SIPA1L2: variants seen among roughly 807,000 people sequenced by gnomAD.
SIPA1L2 encodes signal-induced proliferation-associated 1-like protein 2.
A neutral mutation model predicts 163.9 loss-of-function variants in SIPA1L2; 56 were observed. The observed-to-expected ratio is 0.34, with a 90% CI of 0.28 to 0.43. SIPA1L2 has a LOEUF of 0.43. SIPA1L2 is among the 20% of genes least tolerant of loss of function. The pLI is 1.00. For missense variants in SIPA1L2, 1,974 were observed against 2,193.5 expected, an observed-to-expected ratio of 0.90 and a Z score of 2.00; for synonymous variants, 877 against 865.7, an observed-to-expected ratio of 1.01 and a Z score of -0.23.
chr1:232,445,364 G>A (rs779128922), intron 11 of SIPA1L2, among the ~76,000 whole-genome samples, 165 bp downstream of exon 11: 17 of 152,096 alleles, frequency 1.1e-4, no homozygotes, highest in African/African-American at 3.9e-4. Flanking sequence ...GAGAGTGCCC[G>A]ACCCCAGGCA....
At chr1:232,454,505 A>G (rs1663778090) in intron 10 of SIPA1L2, among the ~76,000 whole-genome samples, 3 of 152,212 alleles carry the variant, frequency 2.0e-5, no homozygotes, top group Non-Finnish European at 2.9e-5. Flanking sequence ...CAGGAGTAAC[A>G]CTGCACTGTA....
chr1:232,497,498 G>A (rs937912260), intron 3 of SIPA1L2, among the ~76,000 whole-genome samples: 6 of 152,092 alleles, frequency 3.9e-5, no homozygotes, highest in Non-Finnish European at 7.4e-5. Flanking sequence ...TCTCATTACT[G>A]TTTCCTTAAT....
intron 9 of SIPA1L2, chr1:232,462,176 C>T (rs886332642): frequency 1.9e-5 from 29 of 1,509,492 alleles, no homozygotes; most frequent in Middle Eastern, 1.7e-4. Context: ...ACTAATGCAG[C>T]CCTCAAAAGC....
At chr1:232,572,736 TAC>T (rs779743797) in intron 2 of SIPA1L2, among the ~76,000 whole-genome samples, 32,591 of 90,790 alleles carry the variant, frequency 0.36, 4,592 homozygotes, top group East Asian at 0.55. Context: ...TATACATACA[TAC>T]ATATATATAT....
At position 232,559,062 on chromosome 1, in the gene SIPA1L2, G is replaced by C. The variant is rs947905298; in HGVS notation, c.-270+15112C>G. Among the ~76,000 whole-genome samples, 3 of 152,104 alleles carry C rather than the reference G, an allele frequency of 2.0e-5. No homozygotes were observed. The East Asian group carries it at 5.8e-4, about 29-fold the overall frequency. ...CTCTAGAGTCCTCATCCCACCGGTG[G>C]GTGGGTGATCTCAATTATGTAAAGT... On this transcript the variant is annotated intron_variant, in intron 2 of 22. Transcript: ENST00000674635.
intron 7 of SIPA1L2, among the ~76,000 whole-genome samples, chr1:232,478,367 C>G (rs1465352032): frequency 6.6e-6 from 1 of 152,094 alleles, no homozygotes; most frequent in African/African-American, 2.4e-5. Flanking sequence ...TGAGAAGAGA[C>G]TGGGGGTCAG....
intron 10 of SIPA1L2, among the ~76,000 whole-genome samples, chr1:232,446,865 C>T (rs1663247892): frequency 2.0e-5 from 3 of 152,234 alleles, no homozygotes; most frequent in South Asian, 4.1e-4. Context: ...CACAGAGCCA[C>T]CCAGAGTCCT....
intron 18 of SIPA1L2, among the ~76,000 whole-genome samples, chr1:232,422,429 A>G (rs995933172): frequency 4.6e-5 from 7 of 152,228 alleles, no homozygotes; most frequent in African/African-American, 1.4e-4. Context: ...TACCTGAAAG[A>G]GAAGCCTGTG....
intron 6 of SIPA1L2, among the ~76,000 whole-genome samples, chr1:232,481,690 G>A (rs1665366790): frequency 6.6e-6 from 1 of 152,118 alleles, no homozygotes; most frequent in Non-Finnish European, 1.5e-5. Flanking sequence ...TCTGCACCTA[G>A]CTCAATAAAG....
At chr1:232,406,354 T>G (rs755328884) in intron 19 of SIPA1L2, among the ~76,000 whole-genome samples, 1 of 152,222 alleles carries the variant, frequency 6.6e-6, no homozygotes, top group Non-Finnish European at 1.5e-5. Context: ...TGAGCAGATC[T>G]GGCTAAGGTG....
intron 3 of SIPA1L2, among the ~76,000 whole-genome samples, chr1:232,512,840 C>T (rs1351733494): frequency 6.6e-6 from 1 of 152,094 alleles, no homozygotes; most frequent in Non-Finnish European, 1.5e-5. Flanking sequence ...CAGTGAGCTC[C>T]CAGCTATCTG....
At chr1:232,576,385 AGT>A (rs1660077703) in intron 1 of SIPA1L2, among the ~76,000 whole-genome samples, 1 of 152,238 alleles carries the variant, frequency 6.6e-6, no homozygotes, top group Non-Finnish European at 1.5e-5. Flanking sequence ...GGATGGAACT[AGT>A]GTAACTGTTC....
intron 3 of SIPA1L2, among the ~76,000 whole-genome samples, chr1:232,495,188 G>A (rs1025818200): frequency 2.0e-5 from 3 of 152,162 alleles, no homozygotes; most frequent in African/African-American, 7.2e-5. Flanking sequence ...CCTATTTGCT[G>A]TTTGCAACCA....
chr1:232,543,298 G>C (rs1165146398), intron 2 of SIPA1L2, among the ~76,000 whole-genome samples: 2 of 152,168 alleles, frequency 1.3e-5, no homozygotes, highest in African/African-American at 2.4e-5. Context: ...TGATTCAAAT[G>C]AATCAATACA....
At chr1:232,477,722 C>T (rs1485277522) in intron 7 of SIPA1L2, among the ~76,000 whole-genome samples, 2 of 152,138 alleles carry the variant, frequency 1.3e-5, no homozygotes, top group Non-Finnish European at 2.9e-5. Context: ...AAGTCAGGTA[C>T]ATAAAACTCG....
intron 10 of SIPA1L2, among the ~76,000 whole-genome samples, chr1:232,459,741 G>C (rs1047288051): frequency 1.3e-5 from 2 of 151,952 alleles, no homozygotes; most frequent in African/African-American, 4.8e-5. Flanking sequence ...TCAAACTCCT[G>C]GGCTCAAGCG....
intron 19 of SIPA1L2, 72 bp downstream of exon 19, chr1:232,415,422 A>G: frequency 6.7e-7 from 1 of 1,498,976 alleles, no homozygotes; most frequent in South Asian, 1.4e-5. Context: ...GGCTCCCCTA[A>G]GATGCCGCAC....
chr1:232,533,185 C>T (rs1218305999), intron 2 of SIPA1L2, among the ~76,000 whole-genome samples: 1 of 151,988 alleles, frequency 6.6e-6, no homozygotes, highest in African/African-American at 2.4e-5. Context: ...GGTGTGGGGC[C>T]CCCAGACAGT....
chr1:232,622,767 C>T (rs1021846305), intron 1 of SIPA1L2, among the ~76,000 whole-genome samples: 4 of 152,170 alleles, frequency 2.6e-5, no homozygotes, highest in African/African-American at 4.8e-5. Flanking sequence ...TCATTTCAAA[C>T]GACCCAGGAA....
Sources: allele counts gnomAD v4.1 joint callset (sites outside exome capture counted in the v4.1 genomes callset), GRCh38; gene constraint gnomAD v4.1.1; transcripts MANE v1.5; gene names NCBI Gene and HGNC (gene_info 2026-07-23, HGNC 2026-07-21).